Variants in CFAP20DC observed in about 807,000 individuals in gnomAD.
CFAP20DC encodes the protein CFAP20 domain containing, also known as protein CFAP20DC.
Under a neutral mutation model 101.7 loss-of-function variants are expected in CFAP20DC, and 84 were observed. That is an observed-to-expected ratio of 0.83 (90% confidence interval 0.69 to 0.99). The LOEUF is 0.99. CFAP20DC is among the 50% of genes least tolerant of loss of function. The pLI, the probability that CFAP20DC is intolerant of heterozygous loss-of-function variation, is 0.00. For missense variants in CFAP20DC, 1,007 were observed against 970.3 expected, an observed-to-expected ratio of 1.04 and a Z score of -0.50; for synonymous variants, 359 against 351.2, an observed-to-expected ratio of 1.02 and a Z score of -0.25.
In CFAP20DC at chr3:58,957,350, A is replaced by T. The variant is rs868722401; in HGVS notation, c.279-19588T>A. Among the ~76,000 whole-genome samples the T allele has an allele frequency of 5.3e-5, 8 of 152,202 alleles. No individual in the cohort carries two copies. In the South Asian group the frequency reaches 1.0e-3, roughly 20 times the overall value. ...AATTTATATCCAAAAGATAGGCAATAACAAATGCTATCAAGGATGTGGAGA... is the reference window on the plus strand; with the variant it reads ...AATTTATATCCAAAAGATAGGCAATTACAAATGCTATCAAGGATGTGGAGA... On this transcript the variant is annotated intron_variant, in intron 4 of 16. Coordinates refer to ENST00000482387, the MANE Select transcript of CFAP20DC (RefSeq NM_001394063.1).
intron 7 of CFAP20DC, among the ~76,000 whole-genome samples, chr3:58,873,656 C>T (rs1308293082): frequency 6.6e-6 from 1 of 151,040 alleles, no homozygotes; most frequent in African/African-American, 2.4e-5. Flanking sequence ...GGTGTTCAAG[C>T]AGAAGTCTGG....
In CFAP20DC at chr3:58,721,414, C is replaced by T. The variant is rs1197311555; in HGVS notation, c.198-3786G>A. On this transcript the variant is annotated intron_variant, in intron 3 of 3. Transcript: ENST00000486145. This position sits in a 1 kb window ranked among gnomAD's most constrained non-coding sequence, Gnocchi z 5.2. ...TAAAAATTACAACCATGATAGGGTA[C>T]CTAGTGCTATGAATATTTATTCCAG... is the stretch of plus-strand genomic sequence containing the variant. Among the ~76,000 whole-genome samples, 1 of 134,866 alleles carries T rather than the reference C, an allele frequency of 7.4e-6. No homozygotes were observed. Among genetic ancestry groups the T allele is most frequent in the Non-Finnish European group, 1.6e-5 (1 of 63,742 alleles). 88.5% of individuals were successfully genotyped at this position (134,866 alleles called of 152,430 possible).
intron 13 of CFAP20DC, among the ~76,000 whole-genome samples, chr3:58,843,695 C>G (rs1252069250): frequency 1.3e-5 from 2 of 150,092 alleles, no homozygotes; most frequent in South Asian, 2.1e-4. Context: ...AAGAGCAACT[C>G]CAAGACACAT....
In CFAP20DC at chr3:58,852,485, G is replaced by A. The variant is rs541388560; in HGVS notation, c.1594-3076C>T. 1.5e-3 allele frequency among the ~76,000 whole-genome samples: 233 copies of A among 151,892 alleles called. 3 individuals are homozygous for A. The highest frequency in any genetic ancestry group is 2.7e-3 in the East Asian group (14 of 5,160). On this transcript the variant is annotated intron_variant, in intron 12 of 16. Coordinates refer to ENST00000482387, the MANE Select transcript of CFAP20DC (RefSeq NM_001394063.1). ...AATTGAACTCAGCTCTGCACCAAGC[G>A]GACCTAATAGACATCTACAGAACTC... is the stretch of plus-strand genomic sequence containing the variant.
At chr3:59,042,070 G>A (rs936520952) in intron 3 of CFAP20DC, among the ~76,000 whole-genome samples, 19 of 152,188 alleles carry the variant, frequency 1.2e-4, no homozygotes, top group Non-Finnish European at 2.6e-4. Context: ...CAGGAGAAGA[G>A]GATGATTAGT....
intron 4 of CFAP20DC, among the ~76,000 whole-genome samples, chr3:58,957,587 A>G (rs1300012845): frequency 6.6e-6 from 1 of 152,220 alleles, no homozygotes; most frequent in Non-Finnish European, 1.5e-5. Flanking sequence ...AATAGCCAAG[A>G]TTTGGAAGCA....
At chr3:58,778,399 C>T (rs2071529879) in intron 15 of CFAP20DC, among the ~76,000 whole-genome samples, 2 of 152,208 alleles carry the variant, frequency 1.3e-5, no homozygotes, top group Admixed American at 6.5e-5. Context: ...TGAGGTGGGG[C>T]GTTCTCTACC....
intron 11 of CFAP20DC, among the ~76,000 whole-genome samples, chr3:58,866,339 T>C (rs182048602): frequency 2.6e-5 from 4 of 152,190 alleles, no homozygotes; most frequent in African/African-American, 4.8e-5. Context: ...TTTTAAACTT[T>C]CATTCTGAAC....
chr3:58,772,948 T>C (rs962074259), intron 15 of CFAP20DC, among the ~76,000 whole-genome samples: 2 of 152,124 alleles, frequency 1.3e-5, no homozygotes, highest in Non-Finnish European at 2.9e-5. Context: ...AATGTAGGGT[T>C]GGGCATGGGA....
chr3:58,837,173 C>T (rs932657609), intron 13 of CFAP20DC, among the ~76,000 whole-genome samples: 11 of 152,244 alleles, frequency 7.2e-5, no homozygotes, highest in African/African-American at 2.6e-4. Context: ...TACTCTAAAC[C>T]TTAAGAGACC....
In CFAP20DC at chr3:59,048,807, A is replaced by C. The variant is rs528862547; in HGVS notation, c.21+804T>G. ...ACAGCAGGACTAGCATGGTAAACAGACTGTAAACAAGGAGTGTAACCTCTT... is the reference window on the plus strand; with the variant it reads ...ACAGCAGGACTAGCATGGTAAACAGCCTGTAAACAAGGAGTGTAACCTCTT... On this transcript the variant is annotated intron_variant, in intron 1 of 16. Coordinates refer to ENST00000482387, the MANE Select transcript of CFAP20DC (RefSeq NM_001394063.1). Among the ~76,000 whole-genome samples, 6 of 152,326 alleles carry C rather than the reference A, an allele frequency of 3.9e-5. No individual in the cohort carries two copies. The South Asian group carries it at 1.0e-3, about 26-fold the overall frequency.
At chr3:58,730,771 C>T (rs77708659) in intron 3 of CFAP20DC, among the ~76,000 whole-genome samples, 2,449 of 152,232 alleles carry the variant, frequency 0.016, 36 homozygotes, top group Middle Eastern at 0.054. Flanking sequence ...CTGGGCTATT[C>T]ATAAAATAAC....
At chr3:58,781,912 C>G (rs189688297) in intron 15 of CFAP20DC, among the ~76,000 whole-genome samples, 112 of 152,060 alleles carry the variant, frequency 7.4e-4, no homozygotes, top group Admixed American at 5.0e-3. Flanking sequence ...AGAGAATTCT[C>G]CCTGACTCAT....
chr3:58,867,852 T>C lies in CFAP20DC; in HGVS notation c.1100A>G (p.Lys367Arg), dbSNP rs145324023. The change falls in exon 10 of 17, where the codon AAA becomes AGA. Residue 367 changes from lysine (K) to arginine (R), a missense_variant. Transcript: ENST00000482387. ...CTCTGTCCTTTCTCTGCTGGTACTT[T>C]TTAACCGTAATCTTCTTCTGTTATT... ...KNNNRRRLRLKSTSRERTETP... is the reference protein window; with the variant it reads ...KNNNRRRLRLRSTSRERTETP... 162 of 1,613,744 alleles carry C rather than the reference T, an allele frequency of 1.0e-4. No homozygotes were observed. In the African/African-American group the frequency reaches 1.8e-3, roughly 18 times the overall value.
chr3:58,983,717 T>C (rs1433510763), intron 4 of CFAP20DC, among the ~76,000 whole-genome samples: 1 of 152,222 alleles, frequency 6.6e-6, no homozygotes, highest in African/African-American at 2.4e-5. Flanking sequence ...ATATATGGCT[T>C]AATCTGTGCC....
intron 5 of CFAP20DC, among the ~76,000 whole-genome samples, chr3:58,916,654 T>A (rs2107470489): frequency 6.6e-6 from 1 of 152,254 alleles, no homozygotes; most frequent in Admixed American, 6.5e-5. Context: ...ATAACTTTAT[T>A]TAATGAATCA....
At chr3:58,856,455 G>T (rs988001399) in intron 12 of CFAP20DC, among the ~76,000 whole-genome samples, 2 of 152,142 alleles carry the variant, frequency 1.3e-5, no homozygotes, top group Non-Finnish European at 2.9e-5. Context: ...TTTTGCAAAT[G>T]TAACAATCCC....
At chr3:59,020,920 T>A (rs529124283) in intron 4 of CFAP20DC, among the ~76,000 whole-genome samples, 37 of 152,232 alleles carry the variant, frequency 2.4e-4, no homozygotes, top group African/African-American at 7.2e-4. Flanking sequence ...GTGAGACAGC[T>A]ATGTATGAAA....
Position 58,967,276 on chromosome 3 carries a change from C to A in CFAP20DC, c.279-29514G>T, listed in dbSNP as rs117970226. ...ACAATTTAATGGGGGAAAGAATAGT[C>A]TTTTTACAGTGCTACTGAAACAACT... On this transcript the variant is annotated intron_variant, in intron 4 of 16. Transcript: ENST00000482387. Among the ~76,000 whole-genome samples, 149 of 152,226 alleles carry A rather than the reference C, an allele frequency of 9.8e-4. 1 individual carries two copies. In the East Asian group the frequency reaches 0.022, roughly 22 times the overall value.
Sources: allele counts gnomAD v4.1 joint callset (sites outside exome capture counted in the v4.1 genomes callset), GRCh38; gene constraint gnomAD v4.1.1; non-coding constraint Gnocchi (gnomAD v3.1); transcripts MANE v1.5; gene names NCBI Gene and HGNC (gene_info 2026-07-23, HGNC 2026-07-21).